The following LRP6 variants were observed in gnomAD, a reference collection of about 807,000 sequenced individuals.
LRP6 encodes low-density lipoprotein receptor-related protein 6.
Under a neutral mutation model 184.1 loss-of-function variants are expected in LRP6, and 43 were observed. The observed-to-expected ratio is 0.23, with a 90% CI of 0.18 to 0.30. The LOEUF is 0.30. Among genes scored for constraint, LRP6 ranks in the 10% least tolerant of loss-of-function variants. The pLI, the probability that LRP6 is intolerant of heterozygous loss-of-function variation, is 1.00. For synonymous variants in LRP6, 719 were observed against 684.9 expected (o/e 1.05, Z -0.78); for missense variants, 1,571 against 2,005.3 (o/e 0.78, Z 4.14).
chr12:12,195,619 A>G (rs972549983), intron 3 of LRP6, among the ~76,000 whole-genome samples: 17 of 152,142 alleles, frequency 1.1e-4, no homozygotes, highest in African/African-American at 4.1e-4. Context: ...AGTAATTTGC[A>G]AATATTTTCC....
At chr12:12,207,381 T>C (rs1311994564) in intron 2 of LRP6, among the ~76,000 whole-genome samples, 1 of 152,004 alleles carries the variant, frequency 6.6e-6, no homozygotes, top group Non-Finnish European at 1.5e-5. Context: ...TAGCTGGGCA[T>C]GATGGTGTGC....
At position 12,164,493 on chromosome 12, in the gene LRP6, C is replaced by A. The variant is rs756892574; in HGVS notation, c.1832G>T (p.Arg611Leu). The A allele has an allele frequency of 1.4e-5, 22 of 1,614,106 alleles. No individual in the cohort carries two copies. Among genetic ancestry groups the A allele is most frequent in the Non-Finnish European group, 1.9e-5 (22 of 1,179,998 alleles). The change falls in exon 9 of 23, where the codon CGC becomes CTC. Residue 611 changes from arginine to leucine, a missense_variant. Coordinates refer to ENST00000261349, the MANE Select transcript of LRP6 (RefSeq NM_002336.3). ...TTCAAAGCCAATAGGGCAAGCACAG[C>A]GAAGGCCCTGAGGTCTATAGAGGCA... ...HLCLYRPQGL[R>L]CACPIGFELI...
intron 1 of LRP6, 76 bp downstream of exon 1, chr12:12,266,605 C>T: frequency 8.1e-7 from 1 of 1,238,204 alleles, no homozygotes; most frequent in Middle Eastern, 1.9e-4. Flanking sequence ...CCGTCCCTCC[C>T]CTCCCCCTAG....
At chr12:12,264,185 A>C (rs184737023) in intron 1 of LRP6, among the ~76,000 whole-genome samples, 2 of 152,250 alleles carry the variant, frequency 1.3e-5, no homozygotes, top group East Asian at 1.9e-4. Context: ...TTAAATCTCA[A>C]ATCATGAAAG....
intron 2 of LRP6, among the ~76,000 whole-genome samples, chr12:12,228,783 T>A (rs1259978647): frequency 6.6e-6 from 1 of 152,056 alleles, no homozygotes; most frequent in Non-Finnish European, 1.5e-5. Flanking sequence ...ACCCCGCTAC[T>A]GCCCAGTGCC....
chr12:12,198,921 T>G (rs1240831293), intron 3 of LRP6, among the ~76,000 whole-genome samples: 3 of 152,136 alleles, frequency 2.0e-5, no homozygotes, highest in Non-Finnish European at 4.4e-5. Context: ...AAGAAAAAAT[T>G]TATTGAAGAT....
Position 12,224,637 on chromosome 12 carries a change from C to A in LRP6, c.449+19625G>T, listed in dbSNP as rs557345902. 1.5e-3 allele frequency among the ~76,000 whole-genome samples: 221 copies of A among 152,304 alleles called. 1 individual carries two copies. Among genetic ancestry groups the A allele is most frequent in the African/African-American group, 4.9e-3 (202 of 41,564 alleles). On this transcript the variant is annotated intron_variant, in intron 2 of 22. Transcript: ENST00000261349. ...GAAAGCTTGAAAACAGTTATGAATT[C>A]ATTATACTGCTTTCACATCCACTTC... is the stretch of plus-strand genomic sequence containing the variant.
chr12:12,244,427 A>T lies in LRP6; in HGVS notation c.284T>A (p.Leu95Ter). ...SVQNVVVSGLLSPDGLACDWL... is the reference protein window; with the variant it reads ...SVQNVVVSGL ...ATCACATGCCAGCCCATCGGGGGAC[A>T]ATAATCCAGAAACAACAACATTCTG... Residue 95 changes from leucine (L) to a stop codon, truncating the protein, a stop_gained, in exon 2 of 23, where the codon TTG becomes TAG. Coordinates refer to ENST00000261349, the MANE Select transcript of LRP6 (RefSeq NM_002336.3). LOFTEE classifies it high-confidence loss of function. 6.2e-7 allele frequency: 1 copy of T among 1,614,224 alleles called. No individual in the cohort carries two copies. Among genetic ancestry groups the T allele is most frequent in the South Asian group, 1.1e-5 (1 of 91,084 alleles).
intron 15 of LRP6, among the ~76,000 whole-genome samples, chr12:12,145,246 C>T (rs570595851): frequency 6.6e-6 from 1 of 151,446 alleles, no homozygotes; most frequent in Non-Finnish European, 1.5e-5. Context: ...AGGCGTGTAA[C>T]TATACATGCG....
intron 7 of LRP6, among the ~76,000 whole-genome samples, chr12:12,173,499 T>C (rs531616899): frequency 6.6e-6 from 1 of 151,860 alleles, no homozygotes; most frequent in Non-Finnish European, 1.5e-5. Context: ...CACACCACAA[T>C]GCCTAGCTAA....
intron 2 of LRP6, among the ~76,000 whole-genome samples, chr12:12,216,942 T>C (rs146519549): frequency 2.0e-5 from 3 of 152,134 alleles, no homozygotes; most frequent in Non-Finnish European, 4.4e-5. Context: ...TTCTAATTTG[T>C]TTCTCTGCTT....
intron 15 of LRP6, among the ~76,000 whole-genome samples, chr12:12,142,039 G>A (rs573813321): frequency 1.3e-5 from 2 of 152,070 alleles, no homozygotes; most frequent in Non-Finnish European, 2.9e-5. Flanking sequence ...AATGTTTAAC[G>A]TCTAAAAGAG....
At chr12:12,180,122 A>C in intron 6 of LRP6, 141 bp from the exon 7 acceptor site, 2 of 679,538 alleles carry the variant, frequency 2.9e-6, no homozygotes, top group Non-Finnish European at 5.0e-6. Flanking sequence ...AAAACATATG[A>C]AGAGGTGTTT....
At chr12:12,205,713 C>T (rs1293255167) in intron 2 of LRP6, among the ~76,000 whole-genome samples, 1 of 152,192 alleles carries the variant, frequency 6.6e-6, no homozygotes, top group African/African-American at 2.4e-5. Context: ...AGTCACATTG[C>T]TAATAAATGA....
intron 19 of LRP6, 63 bp downstream of exon 19, chr12:12,130,720 A>T (rs1455362582): frequency 5.0e-6 from 5 of 998,006 alleles, no homozygotes; most frequent in Admixed American, 1.8e-5. Context: ...AACCTCACAC[A>T]TAAGAAAAAA....
At chr12:12,139,075 C>T (rs188269144) in intron 15 of LRP6, 220 of 1,165,244 alleles carry the variant, frequency 1.9e-4, no homozygotes, top group Non-Finnish European at 2.4e-4. Context: ...TTCTTTTATA[C>T]AGTGGGCTAA....
chr12:12,121,238 T>G lies in LRP6; in HGVS notation c.4730A>C (p.Tyr1577Ser), dbSNP rs772256494. 2 of 1,614,016 alleles carry G rather than the reference T, an allele frequency of 1.2e-6. No individual in the cohort carries two copies. Among genetic ancestry groups the G allele is most frequent in the Admixed American group, 3.3e-5 (2 of 59,990 alleles). Residue 1577 changes from tyrosine (Y) to serine (S), a missense_variant, in exon 23 of 23, where the codon TAC becomes TCC. Tyr to Ser is a moderately radical substitution (Grantham distance 144). This residue lies in a region of LRP6 where 763 missense variants were observed against 859.5 expected (regional missense o/e 0.89). Transcript: ENST00000261349. ...VPPPPTPRSQYLSAEENYESC... is the reference protein window; with the variant it reads ...VPPPPTPRSQSLSAEENYESC... ...TTCATAGTTCTCCTCTGCTGACAAG[T>G]ATTGGCTTCGGGGTGTGGGAGGTGG...
chr12:12,252,334 G>T (rs779294483), intron 1 of LRP6, among the ~76,000 whole-genome samples: 6 of 152,058 alleles, frequency 3.9e-5, no homozygotes, highest in Non-Finnish European at 8.8e-5. Flanking sequence ...TTCCCCTAAG[G>T]GGCCCTAGAA....
In LRP6 at chr12:12,178,650, A is replaced by G. The variant is rs181001865; in HGVS notation, c.1545+1160T>C. 1.5e-3 allele frequency among the ~76,000 whole-genome samples: 230 copies of G among 152,308 alleles called. 2 individuals are homozygous for G. Among genetic ancestry groups the G allele is most frequent in the Non-Finnish European group, 2.4e-3 (165 of 68,022 alleles). On this transcript the variant is annotated intron_variant, in intron 7 of 22. Coordinates refer to ENST00000261349, the MANE Select transcript of LRP6 (RefSeq NM_002336.3). ...ACTCATAACCTTTGTCTCATCAGCAATGCACTCCAACTGTTAAAAGATTCA... is the reference window on the plus strand; with the variant it reads ...ACTCATAACCTTTGTCTCATCAGCAGTGCACTCCAACTGTTAAAAGATTCA...
Sources: allele counts gnomAD v4.1 joint callset (sites outside exome capture counted in the v4.1 genomes callset), GRCh38; gene constraint gnomAD v4.1.1; regional missense constraint gnomAD v4.1.1; transcripts MANE v1.5; gene names NCBI Gene and HGNC (gene_info 2026-07-23, HGNC 2026-07-21).